Variants in FRMD4B observed in about 807,000 individuals in gnomAD.
FRMD4B encodes FERM domain containing 4B.
In FRMD4B, 74 loss-of-function variants were observed where a neutral mutation model predicts 141.5. That is an observed-to-expected ratio of 0.52 (90% confidence interval 0.43 to 0.63). The LOEUF is 0.63. Ranked by LOEUF, FRMD4B falls within the 30% of genes least tolerant of loss-of-function variation. FRMD4B has a pLI of 0.00. For missense variants in FRMD4B, 1,366 were observed against 1,253.4 expected (o/e 1.09, Z -1.36); for synonymous variants, 506 against 467.9 (o/e 1.08, Z -1.05).
chr3:69,246,599 C>G (rs562881192), intron 7 of FRMD4B, among the ~76,000 whole-genome samples: 1 of 152,108 alleles, frequency 6.6e-6, no homozygotes, highest in Non-Finnish European at 1.5e-5. Context: ...TCCCACATGT[C>G]CTGAAAACCA....
At chr3:69,492,379 A>G (rs1284377083) in intron 1 of FRMD4B, among the ~76,000 whole-genome samples, 1 of 152,188 alleles carries the variant, frequency 6.6e-6, no homozygotes, top group Non-Finnish European at 1.5e-5. Context: ...TCCCCTTTAC[A>G]CAGTAAAATT....
Position 69,186,711 on chromosome 3 carries a change from A to G in FRMD4B, c.1919+1059T>C, listed in dbSNP as rs552413280. Among the ~76,000 whole-genome samples, 7 of 152,306 alleles carry G rather than the reference A, an allele frequency of 4.6e-5. 1 individual carries two copies. In the South Asian group the frequency reaches 1.5e-3, roughly 32 times the overall value. On this transcript the variant is annotated intron_variant, in intron 19 of 22. Transcript: ENST00000398540. ...TGAGCGACAGAAAGAGACTCTGTCTATAAAATTTGTAGAGATGGGGCTTCA... is the reference window on the plus strand; with the variant it reads ...TGAGCGACAGAAAGAGACTCTGTCTGTAAAATTTGTAGAGATGGGGCTTCA...
chr3:69,465,319 CA>C (rs370690960), intron 1 of FRMD4B, among the ~76,000 whole-genome samples: 37,695 of 108,840 alleles, frequency 0.35, 4,821 homozygotes, highest in East Asian at 0.47. Context: ...GGCTCCGTCT[CA>C]AAAAAAAAAA....
chr3:69,315,904 A>G (rs1320158846), intron 1 of FRMD4B, among the ~76,000 whole-genome samples: 2 of 152,216 alleles, frequency 1.3e-5, no homozygotes, highest in African/African-American at 4.8e-5. Flanking sequence ...CCTAATTGAA[A>G]AAGAAAATAG....
intron 11 of FRMD4B, among the ~76,000 whole-genome samples, chr3:69,202,081 T>C (rs1056423440): frequency 1.3e-5 from 2 of 152,114 alleles, no homozygotes; most frequent in Non-Finnish European, 2.9e-5. Context: ...CGAGAGTCTA[T>C]GCTCCCAGCT....
chr3:69,205,935 G>A (rs1169050269), intron 11 of FRMD4B, among the ~76,000 whole-genome samples: 1 of 152,192 alleles, frequency 6.6e-6, no homozygotes, highest in Non-Finnish European at 1.5e-5. Context: ...ACCCACTAGA[G>A]GGGCTTACAA....
chr3:69,390,020 G>A (rs73835818), upstream of FRMD4B, among the ~76,000 whole-genome samples: 2,927 of 151,988 alleles, frequency 0.019, 104 homozygotes, highest in African/African-American at 0.067. Flanking sequence ...AAGATGCTTC[G>A]GGTGGCAGCA....
chr3:69,184,785 G>A (rs972015126), intron 19 of FRMD4B, among the ~76,000 whole-genome samples: 9 of 152,164 alleles, frequency 5.9e-5, no homozygotes, highest in African/African-American at 1.7e-4. Flanking sequence ...GGTCTGTTCT[G>A]ACCAATATGA....
chr3:69,171,977 A>G lies in FRMD4B; in HGVS notation c.2989T>C (p.Tyr997His). The change falls in exon 23 of 23, where the codon TAC becomes CAC. Residue 997 changes from tyrosine to histidine, a missense_variant. Coordinates refer to ENST00000398540, the MANE Select transcript of FRMD4B (RefSeq NM_015123.3). ...CCATCCAGTTGACTGATTTCTGTGT[A>G]TTGTCTATTAAAGAAAACCAGAAAA... ...YNPLPSPSRQYTEISQLDGTD... is the reference protein window; with the variant it reads ...YNPLPSPSRQHTEISQLDGTD... 1.2e-6 allele frequency: 2 copies of G among 1,613,120 alleles called. No individual in the cohort carries two copies. Among genetic ancestry groups the G allele is most frequent in the South Asian group, 2.2e-5 (2 of 91,050 alleles).
At chr3:69,471,619 T>C in intron 1 of FRMD4B, 1 of 184,096 alleles carries the variant, frequency 5.4e-6, no homozygotes, top group South Asian at 1.2e-4. Flanking sequence ...GTTTTCCTTT[T>C]TTCCCCCCCA....
chr3:69,402,091 A>G (rs1166189022), intron 2 of FRMD4B, among the ~76,000 whole-genome samples: 2 of 152,220 alleles, frequency 1.3e-5, no homozygotes, highest in African/African-American at 4.8e-5. Flanking sequence ...TGTCTGCCCA[A>G]CTATTGCAGT....
chr3:69,337,366 T>C (rs1245650941), intron 1 of FRMD4B, among the ~76,000 whole-genome samples: 1 of 152,176 alleles, frequency 6.6e-6, no homozygotes, highest in African/African-American at 2.4e-5. Context: ...GAAGAAAACC[T>C]AGACAATACC....
intron 19 of FRMD4B, among the ~76,000 whole-genome samples, chr3:69,185,339 T>G (rs138308885): frequency 7.3e-5 from 11 of 149,804 alleles, no homozygotes; most frequent in East Asian, 3.9e-4. Flanking sequence ...AGAAGAAACA[T>G]AGCAATGTGG....
rs1352641425 is a variant in FRMD4B, at chr3:69,520,037, TATATATTCCATCC to T, written c.-129+22156_-129+22168del. On this transcript the variant is annotated intron_variant, in intron 1 of 5. Coordinates refer to the FRMD4B transcript ENST00000459638. ...ATATATATATATATTCCATCATATATATATATTCCATCCATATATATATATGATGGAATATATA... is the reference window on the plus strand; with the variant it reads ...ATATATATATATATTCCATCATATATATATATATATATGATGGAATATATA... Among the ~76,000 whole-genome samples, 25 of 122,068 alleles carry T rather than the reference TATATATTCCATCC, an allele frequency of 2.0e-4. 2 individuals are homozygous for T. Among genetic ancestry groups the T allele is most frequent in the African/African-American group, 9.2e-4 (22 of 23,850 alleles). 80.1% of individuals were successfully genotyped at this position (122,068 alleles called of 152,430 possible).
chr3:69,184,642 T>C (rs899044406), intron 19 of FRMD4B, among the ~76,000 whole-genome samples: 3 of 152,268 alleles, frequency 2.0e-5, no homozygotes, highest in Non-Finnish European at 4.4e-5. Context: ...GATGTGGGTA[T>C]AATAATTTTT....
intron 1 of FRMD4B, among the ~76,000 whole-genome samples, chr3:69,505,285 G>A (rs1472013985): frequency 1.3e-5 from 2 of 152,172 alleles, no homozygotes; most frequent in Non-Finnish European, 2.9e-5. Context: ...GGTTGAGGTA[G>A]GAGGATCACT....
rs2092592557 is a variant in FRMD4B at position 69,171,980 on chromosome 3, G to T, written c.2986C>A (p.Gln996Lys). The stretch of plus-strand genomic sequence containing the variant: ...TCCAGTTGACTGATTTCTGTGTATT[G>T]TCTATTAAAGAAAACCAGAAAAGTT... Reference protein sequence around the residue: ...VYNPLPSPSRQYTEISQLDGT... With the variant: ...VYNPLPSPSRKYTEISQLDGT... Residue 996 changes from glutamine to lysine, a missense_variant and splice_region_variant, in exon 23 of 23, where the codon CAA becomes AAA. Gln to Lys is a moderately conservative substitution (Grantham distance 53). Coordinates refer to ENST00000398540, the MANE Select transcript of FRMD4B (RefSeq NM_015123.3). 2.5e-6 allele frequency: 4 copies of T among 1,612,816 alleles called. No individual in the cohort carries two copies. The highest frequency in any genetic ancestry group is 3.4e-6 in the Non-Finnish European group (4 of 1,179,008).
intron 1 of FRMD4B, among the ~76,000 whole-genome samples, chr3:69,378,829 C>G (rs1394246343): frequency 6.6e-6 from 1 of 152,020 alleles, no homozygotes; most frequent in Non-Finnish European, 1.5e-5. Context: ...CCAAAAAACC[C>G]TCTTATAATC....
Position 69,195,107 on chromosome 3 carries a change from AG to A in FRMD4B, c.1402del (p.Leu468Ter), listed in dbSNP as rs2092887056. 6.2e-7 allele frequency: 1 copy of A among 1,613,842 alleles called. No homozygotes were observed. On this transcript the variant is annotated frameshift_variant, in exon 16 of 23. Transcript: ENST00000398540. LOFTEE classifies it high-confidence loss of function. Reference protein sequence around the residue: ...LTGKMPKEYPLNIGEKPPQVR... With the variant: ...LTGKMPKEYPXNIGEKPPQVR... ...CTGAGGAGGCTTCTCGCCTATGTTC[AG>A]GGGATACTCCTTTGGCATTTTGCCT... is the stretch of plus-strand genomic sequence containing the variant.
Sources: allele counts gnomAD v4.1 joint callset (sites outside exome capture counted in the v4.1 genomes callset), GRCh38; gene constraint gnomAD v4.1.1; transcripts MANE v1.5; gene names NCBI Gene and HGNC (gene_info 2026-07-23, HGNC 2026-07-21).